The following MDN1 variants were observed in gnomAD, a reference collection of about 807,000 sequenced individuals.
MDN1 encodes the protein midasin.
A neutral mutation model predicts 669.2 loss-of-function variants in MDN1; 266 were observed. That is an observed-to-expected ratio of 0.40 (90% CI 0.36 to 0.44). The LOEUF is 0.44. Ranked by LOEUF, MDN1 falls within the 20% of genes least tolerant of loss-of-function variation. The probability of loss-of-function intolerance (pLI) is 1.00; values close to 1 mark genes in which losing one functional copy is unlikely to be tolerated. For missense variants in MDN1, 5,940 were observed against 6,754.0 expected, an observed-to-expected ratio of 0.88 and a Z score of 4.22; for synonymous variants, 2,385 against 2,457.1, an observed-to-expected ratio of 0.97 and a Z score of 0.87.
At chr6:89,812,202 T>A (rs7454054) in intron 1 of MDN1, among the ~76,000 whole-genome samples, 5 of 151,892 alleles carry the variant, frequency 3.3e-5, no homozygotes, top group African/African-American at 1.2e-4. Flanking sequence ...GCCAGGCTGG[T>A]CTCAAACTCC....
At chr6:89,748,262 G>A (rs1816767162) in intron 26 of MDN1, among the ~76,000 whole-genome samples, 1 of 151,858 alleles carries the variant, frequency 6.6e-6, no homozygotes, top group African/African-American at 2.4e-5. Context: ...GGAGGCGGAG[G>A]TTGCAGTGAG....
At chr6:89,810,341 C>T (rs1483874424) in intron 1 of MDN1, among the ~76,000 whole-genome samples, 1 of 151,950 alleles carries the variant, frequency 6.6e-6, no homozygotes, top group African/African-American at 2.4e-5. Context: ...AAGGCTGAGG[C>T]AGGAGAATCG....
At chr6:89,699,949 C>T in intron 57 of MDN1, 114 bp downstream of exon 57, 2 of 1,173,570 alleles carry the variant, frequency 1.7e-6, no homozygotes, top group Non-Finnish European at 1.2e-6. Flanking sequence ...AATCACTTCC[C>T]TCTGCTTCGG....
intron 19 of MDN1, among the ~76,000 whole-genome samples, chr6:89,757,462 T>C (rs1046134496): frequency 6.6e-6 from 1 of 152,228 alleles, no homozygotes; most frequent in Non-Finnish European, 1.5e-5. Context: ...ACTGTCATAC[T>C]AACACAAAGG....
intron 91 of MDN1, among the ~76,000 whole-genome samples, 194 bp from the exon 92 acceptor site, chr6:89,656,162 A>G (rs193171749): frequency 2.0e-5 from 3 of 152,318 alleles, no homozygotes; most frequent in East Asian, 3.9e-4. Flanking sequence ...ATATACTTTT[A>G]TATCTAAAAT....
Position 89,692,453 on chromosome 6 carries a change from T to A in MDN1, c.10577A>T (p.His3526Leu). ...CCAGAGATGGCTCACCTGACACACA[T>A]GTCTGAAGAGCTGCAGGGCCCTCTG... The part of the protein sequence containing the change: ...LDQRALQLFR[H>L]VCQEIISEWD... Residue 3526 changes from histidine (H) to leucine (L), a missense_variant, in exon 63 of 102, where the codon CAT (histidine) becomes CTT (leucine). Coordinates refer to ENST00000369393, the MANE Select transcript of MDN1 (RefSeq NM_014611.3). 1 of 1,610,464 alleles carries A rather than the reference T, an allele frequency of 6.2e-7. No homozygotes were observed. Among genetic ancestry groups the A allele is most frequent in the South Asian group, 1.1e-5 (1 of 90,514 alleles).
At chr6:89,758,528 G>A (rs979799595) in intron 18 of MDN1, among the ~76,000 whole-genome samples, 177 bp from the exon 19 acceptor site, 7 of 152,048 alleles carry the variant, frequency 4.6e-5, no homozygotes, top group Admixed American at 6.5e-5. Flanking sequence ...AGTCTTTTGC[G>A]GTATGTTTAT....
intron 2 of MDN1, among the ~76,000 whole-genome samples, chr6:89,802,233 C>A (rs949538743): frequency 4.6e-5 from 7 of 152,178 alleles, no homozygotes; most frequent in Admixed American, 1.3e-4. Flanking sequence ...ATTTTTTTCT[C>A]AACCCCTTTT....
In MDN1 at chr6:89,758,354, G is replaced by A. The variant is rs907729278; in HGVS notation, c.2606-3C>T. The stretch of plus-strand genomic sequence containing the variant: ...GTCAGGATGCCGAACCAGTGGCTCT[G>A]TTAAGAGAAAATTACAAATTCTCAA... On this transcript the variant is annotated splice_polypyrimidine_tract_variant and splice_region_variant and intron_variant, in intron 18 of 101. Transcript: ENST00000369393. 3.8e-6 allele frequency: 6 copies of A among 1,599,534 alleles called. No homozygotes were observed. In the South Asian group the frequency reaches 4.5e-5, roughly 12 times the overall value.
chr6:89,730,657 G>T, intron 35 of MDN1, 69 bp downstream of exon 35: 1 of 1,270,398 alleles, frequency 7.9e-7, no homozygotes, highest in Non-Finnish European at 1.1e-6. Flanking sequence ...TTAAAACTAA[G>T]TCACAATAAA....
chr6:89,806,687 C>T (rs1768045642), intron 1 of MDN1, among the ~76,000 whole-genome samples: 1 of 152,068 alleles, frequency 6.6e-6, no homozygotes. Flanking sequence ...CACTGCACTC[C>T]AGCCCGGGCA....
At chr6:89,803,210 T>C in intron 2 of MDN1, 118 bp downstream of exon 2, 1 of 851,468 alleles carries the variant, frequency 1.2e-6, no homozygotes, top group Middle Eastern at 2.3e-4. Flanking sequence ...CAATACTATT[T>C]ATCTCTCTCC....
chr6:89,691,596 A>G (rs529713269), intron 63 of MDN1, among the ~76,000 whole-genome samples: 1 of 152,292 alleles, frequency 6.6e-6, no homozygotes, highest in South Asian at 2.1e-4. Flanking sequence ...TAAATGTTCA[A>G]TGATAAGAAA....
Position 89,730,735 on chromosome 6 carries a change from T to C in MDN1, c.5131A>G (p.Ile1711Val), listed in dbSNP as rs753631183. The change falls in exon 35 of 102, where the codon ATA becomes GTA. Residue 1711 changes from isoleucine (I) to valine (V), a missense_variant. Ile to Val is a conservative substitution (Grantham distance 29). Coordinates refer to ENST00000369393, the MANE Select transcript of MDN1 (RefSeq NM_014611.3). ...TAAAAATCATTCTTACCCCTTGGTA[T>C]AAAAAATGGATGAATTCCCCAAAGG... ...DNLWGIHPFFIPRGPVLHRNN... is the reference protein window; with the variant it reads ...DNLWGIHPFFVPRGPVLHRNN... 6.2e-6 allele frequency: 10 copies of C among 1,612,560 alleles called. No individual in the cohort carries two copies. In the East Asian group the frequency reaches 1.3e-4, roughly 22 times the overall value.
intron 26 of MDN1, among the ~76,000 whole-genome samples, chr6:89,748,551 T>C (rs1395609350): frequency 6.6e-6 from 1 of 152,138 alleles, no homozygotes; most frequent in African/African-American, 2.4e-5. Context: ...AAAGAATGGA[T>C]CTCTTTAATT....
intron 53 of MDN1, among the ~76,000 whole-genome samples, chr6:89,702,822 A>C (rs1813243510): frequency 6.6e-6 from 1 of 152,092 alleles, no homozygotes; most frequent in East Asian, 1.9e-4. Flanking sequence ...CTATATTTAG[A>C]TTGTAAAGAT....
rs1231509606 is a variant in MDN1 at position 89,658,373 on chromosome 6, T to C, written c.15022-3A>G. 1.2e-6 allele frequency: 2 copies of C among 1,613,998 alleles called. No individual in the cohort carries two copies. Among genetic ancestry groups the C allele is most frequent in the Non-Finnish European group, 1.7e-6 (2 of 1,180,006 alleles). ...GAGTCCTCCCGTTCTTCTTCCTCCT[T>C]CGGCAGAGAAATCAAACACAGCATT... On this transcript the variant is annotated splice_polypyrimidine_tract_variant and splice_region_variant and intron_variant, in intron 89 of 101. Transcript: ENST00000369393.
chr6:89,721,743 T>A (rs533692810), intron 40 of MDN1, among the ~76,000 whole-genome samples: 17 of 152,010 alleles, frequency 1.1e-4, no homozygotes, highest in Admixed American at 3.3e-4. Context: ...CCTGATGGAG[T>A]CTCATGGCAC....
chr6:89,793,617 A>G, intron 5 of MDN1, 145 bp downstream of exon 5: 1 of 603,230 alleles, frequency 1.7e-6, no homozygotes, highest in Non-Finnish European at 2.7e-6. Flanking sequence ...CCCAAGATGA[A>G]TTTCTTTTTA....
Sources: gnomAD v4.1 joint callset for allele counts (sites outside exome capture counted in the v4.1 genomes callset) on GRCh38, gnomAD v4.1.1 for gene constraint, MANE v1.5 for transcripts, NCBI Gene and HGNC (gene_info 2026-07-23, HGNC 2026-07-21) for gene names.